The following GATA4 variants were observed in gnomAD, a reference collection of about 807,000 sequenced individuals.
GATA4 encodes the protein GATA binding protein 4.
GATA4 carries 7 observed loss-of-function variants against 37.9 expected under a neutral mutation model. That is an observed-to-expected ratio of 0.18 (90% CI 0.11 to 0.35). GATA4 has a LOEUF of 0.35. GATA4 is among the 10% of genes least tolerant of loss of function. The pLI is 1.00. For synonymous variants in GATA4, 372 were observed against 292.6 expected (o/e 1.27, Z -2.77); for missense variants, 647 against 653.0 (o/e 0.99, Z 0.10).
rs1317140867 is a variant in GATA4, at chr8:11,709,405, G to T, written c.616+477G>T. Reference sequence around the variant, plus strand: ...GACCGCAGACCTTCTGGGCCATTTGGCGGCCCAGCTGGAGGATCCCTCGGG... The same window carrying T: ...GACCGCAGACCTTCTGGGCCATTTGTCGGCCCAGCTGGAGGATCCCTCGGG... On this transcript the variant is annotated intron_variant, in intron 2 of 6. Transcript: ENST00000532059. This position sits in a 1 kb window ranked among gnomAD's most constrained non-coding sequence, Gnocchi z 4.3. Among the ~76,000 whole-genome samples the T allele has an allele frequency of 6.6e-6, 1 of 152,244 alleles. No homozygotes were observed. The highest frequency in any genetic ancestry group is 1.5e-5 in the Non-Finnish European group (1 of 68,040).
At chr8:11,731,448 A>G (rs893549320) in intron 2 of GATA4, among the ~76,000 whole-genome samples, 14 of 152,254 alleles carry the variant, frequency 9.2e-5, no homozygotes, top group African/African-American at 3.4e-4. Context: ...TCCTGAAGAC[A>G]TTACGCTAAG....
In GATA4 at chr8:11,685,778, TC is replaced by T. The variant is rs566211013; in HGVS notation, c.-274+8718del. On this transcript the variant is annotated intron_variant, in intron 1 of 6. Transcript: ENST00000528712. ...TTGTAACTTTTCCCTCTTCCACGAC[TC>T]CCTTTTCTGGCAGGAGGATGTGGTG... Among the ~76,000 whole-genome samples, 95 of 152,312 alleles carry T rather than the reference TC, an allele frequency of 6.2e-4. 1 individual carries two copies. The highest frequency in any genetic ancestry group is 1.6e-3 in the Admixed American group (24 of 15,306).
At chr8:11,737,230 C>T (rs1328896783) in intron 2 of GATA4, among the ~76,000 whole-genome samples, 2 of 152,018 alleles carry the variant, frequency 1.3e-5, no homozygotes, top group Admixed American at 6.6e-5. Flanking sequence ...GTAAATCTCC[C>T]CTGAAATGCC....
intron 2 of GATA4, among the ~76,000 whole-genome samples, chr8:11,728,115 C>T (rs543594253): frequency 3.9e-5 from 6 of 152,004 alleles, no homozygotes; most frequent in East Asian, 3.9e-4. Flanking sequence ...CTCAGCCTCC[C>T]GAGCAGCTGG....
At chr8:11,731,584 G>T (rs1301445272) in intron 2 of GATA4, among the ~76,000 whole-genome samples, 1 of 152,176 alleles carries the variant, frequency 6.6e-6, no homozygotes, top group East Asian at 1.9e-4. Flanking sequence ...CCAGGATCGG[G>T]GTGCGGGAGG....
In GATA4 at chr8:11,708,414, C is replaced by G; in HGVS notation, c.102C>G (p.Ser34=). The change falls in exon 2 of 7, where the codon TCC becomes TCG. Residue 34 remains serine, a synonymous_variant. Coordinates refer to ENST00000532059, the MANE Select transcript of GATA4 (RefSeq NM_001308093.3). The surrounding 1 kb of genome is among the most constrained non-coding windows in gnomAD (Gnocchi z 6.7). ...TCATGCACGGCGCGGGCGCCGCGTC[C>G]TCGCCAGTCTACGTGCCCACACCGC... is the stretch of plus-strand genomic sequence containing the variant. ...GAFMHGAGAA[S]SPVYVPTPRV... 6.5e-7 allele frequency: 1 copy of G among 1,538,262 alleles called. No individual in the cohort carries two copies. The highest frequency in any genetic ancestry group is 8.7e-7 in the Non-Finnish European group (1 of 1,148,488).
chr8:11,736,871 C>G (rs577560859), intron 2 of GATA4, among the ~76,000 whole-genome samples: 19 of 152,322 alleles, frequency 1.2e-4, no homozygotes, highest in Admixed American at 1.1e-3. Flanking sequence ...CAAAGAAGAT[C>G]TGAGGCCTAT....
At chr8:11,731,971 C>G (rs1278568675) in intron 2 of GATA4, among the ~76,000 whole-genome samples, 1 of 152,170 alleles carries the variant, frequency 6.6e-6, no homozygotes, top group African/African-American at 2.4e-5. Context: ...TCAGTGTTAT[C>G]CTGCTATCAC....
chr8:11,679,717 C>A (rs987929819), intron 1 of GATA4, among the ~76,000 whole-genome samples: 1 of 152,110 alleles, frequency 6.6e-6, no homozygotes. Flanking sequence ...TAGCCCTGCA[C>A]TGAGGTTGGA....
At chr8:11,727,052 T>C (rs1800960343) in intron 2 of GATA4, among the ~76,000 whole-genome samples, 1 of 152,164 alleles carries the variant, frequency 6.6e-6, no homozygotes, top group Non-Finnish European at 1.5e-5. Flanking sequence ...GAGCTGTGCG[T>C]GCCAGCCATG....
At chr8:11,747,118 C>T (rs1044608217) in intron 2 of GATA4, among the ~76,000 whole-genome samples, 3 of 152,218 alleles carry the variant, frequency 2.0e-5, no homozygotes, top group East Asian at 1.9e-4. Context: ...AATAAAAGCA[C>T]CCCTCTTCAC....
chr8:11,744,950 C>T (rs1801957078), intron 2 of GATA4, among the ~76,000 whole-genome samples: 1 of 152,162 alleles, frequency 6.6e-6, no homozygotes, highest in African/African-American at 2.4e-5. Flanking sequence ...TATTATTAGT[C>T]ATTATTGATA....
intron 4 of GATA4, among the ~76,000 whole-genome samples, chr8:11,754,212 C>T (rs1030224200): frequency 9.9e-5 from 15 of 152,142 alleles, no homozygotes; most frequent in Non-Finnish European, 2.2e-4. Context: ...ATTGATAGCA[C>T]CGCTGCACCC....
chr8:11,734,909 A>C (rs1801385269), intron 2 of GATA4, among the ~76,000 whole-genome samples: 2 of 152,258 alleles, frequency 1.3e-5, no homozygotes, highest in Admixed American at 6.5e-5. Context: ...TGCAAGATCT[A>C]AATTTGGGTT....
intron 2 of GATA4, among the ~76,000 whole-genome samples, chr8:11,739,032 A>T (rs1801595156): frequency 6.6e-6 from 1 of 152,244 alleles, no homozygotes; most frequent in Non-Finnish European, 1.5e-5. Context: ...GCCTGAGCCC[A>T]GATGGGGATG....
intron 2 of GATA4, among the ~76,000 whole-genome samples, chr8:11,738,325 T>G (rs1438327569): frequency 6.6e-6 from 1 of 151,912 alleles, no homozygotes; most frequent in Non-Finnish European, 1.5e-5. Flanking sequence ...ACCAGCATGA[T>G]CAGTTTCTTG....
intron 1 of GATA4, among the ~76,000 whole-genome samples, chr8:11,679,177 TGC>T (rs147821141): frequency 0.25 from 32,618 of 130,422 alleles, 6,045 homozygotes; most frequent in East Asian, 0.56. Flanking sequence ...TCCGAATAAT[TGC>T]GGGGGGGGGC....
intron 2 of GATA4, among the ~76,000 whole-genome samples, chr8:11,713,908 G>T (rs913595552): frequency 3.9e-5 from 6 of 152,188 alleles, no homozygotes; most frequent in Non-Finnish European, 8.8e-5. Context: ...TCCTTTTAAA[G>T]AACCCAGTCA....
chr8:11,711,066 C>T (rs1157776787), intron 2 of GATA4, among the ~76,000 whole-genome samples: 1 of 152,158 alleles, frequency 6.6e-6, no homozygotes, highest in African/African-American at 2.4e-5. Context: ...GATTGCTCCA[C>T]TGCACTCCAG....
Sources: allele counts gnomAD v4.1 joint callset (sites outside exome capture counted in the v4.1 genomes callset), GRCh38; gene constraint gnomAD v4.1.1; non-coding constraint Gnocchi (gnomAD v3.1); transcripts MANE v1.5; gene names NCBI Gene and HGNC (gene_info 2026-07-23, HGNC 2026-07-21).